Variants in ZCCHC7 observed in about 807,000 individuals in gnomAD.
The protein encoded by ZCCHC7 is zinc finger CCHC domain-containing protein 7.
Under a neutral mutation model 52.0 loss-of-function variants are expected in ZCCHC7, and 35 were observed. The ratio of observed to expected loss-of-function variants is 0.67; its 90% confidence interval spans 0.51 to 0.89. The LOEUF is 0.89. Among genes scored for constraint, ZCCHC7 ranks in the 40% least tolerant of loss-of-function variants. The pLI, the probability that ZCCHC7 is intolerant of heterozygous loss-of-function variation, is 0.00. For missense variants in ZCCHC7, 574 were observed against 649.1 expected (o/e 0.88, Z 1.26); for synonymous variants, 217 against 221.5 (o/e 0.98, Z 0.18).
chr9:37,125,750 A>G (rs558694018), intron 1 of ZCCHC7, among the ~76,000 whole-genome samples: 1 of 152,354 alleles, frequency 6.6e-6, no homozygotes, highest in African/African-American at 2.4e-5. Context: ...TTTCGTTTAC[A>G]ATATACCTGT....
chr9:37,185,210 G>A (rs768995018), intron 2 of ZCCHC7, among the ~76,000 whole-genome samples: 5 of 152,066 alleles, frequency 3.3e-5, no homozygotes, highest in African/African-American at 4.8e-5. Flanking sequence ...TTTAAAGTCC[G>A]CAAAAGATCT....
intron 2 of ZCCHC7, among the ~76,000 whole-genome samples, chr9:37,218,077 G>C (rs909563450): frequency 3.9e-5 from 6 of 152,074 alleles, no homozygotes; most frequent in African/African-American, 1.4e-4. Context: ...AAATCGTATG[G>C]AAAAGAGACA....
At chr9:37,149,442 CT>C (rs556130456) in intron 2 of ZCCHC7, among the ~76,000 whole-genome samples, 84 of 152,130 alleles carry the variant, frequency 5.5e-4, no homozygotes, top group African/African-American at 1.7e-3. Flanking sequence ...AAATACCCCC[CT>C]GTCCCCAACA....
At chr9:37,206,197 A>T (rs765473376) in intron 2 of ZCCHC7, among the ~76,000 whole-genome samples, 1 of 152,146 alleles carries the variant, frequency 6.6e-6, no homozygotes, top group Non-Finnish European at 1.5e-5. Context: ...CCATCCCCAC[A>T]CAAGAGAATA....
intron 5 of ZCCHC7, among the ~76,000 whole-genome samples, chr9:37,324,991 T>TAAAAA (rs1830183449): frequency 6.6e-6 from 1 of 152,228 alleles, no homozygotes; most frequent in Non-Finnish European, 1.5e-5. Flanking sequence ...ACAGATGCAC[T>TAAAAA]AAGCCGTTGT....
At chr9:37,337,887 C>G (rs1048681894) in intron 6 of ZCCHC7, among the ~76,000 whole-genome samples, 4 of 152,110 alleles carry the variant, frequency 2.6e-5, no homozygotes, top group African/African-American at 9.7e-5. Flanking sequence ...CCTTTGCTAA[C>G]TTACTTTAAA....
At chr9:37,158,757 T>C (rs1820942146) in intron 2 of ZCCHC7, among the ~76,000 whole-genome samples, 1 of 152,240 alleles carries the variant, frequency 6.6e-6, no homozygotes, top group East Asian at 1.9e-4. Flanking sequence ...AGAAGAATTA[T>C]TTTGTACACT....
At chr9:37,277,245 A>G (rs1160075636) in intron 2 of ZCCHC7, among the ~76,000 whole-genome samples, 1 of 152,242 alleles carries the variant, frequency 6.6e-6, no homozygotes, top group Non-Finnish European at 1.5e-5. Context: ...ATTTTCCCAC[A>G]GGTAATTCTA....
intron 2 of ZCCHC7, among the ~76,000 whole-genome samples, chr9:37,273,433 G>A (rs975265840): frequency 6.6e-5 from 10 of 152,214 alleles, no homozygotes; most frequent in Middle Eastern, 3.2e-3. Flanking sequence ...AACCTGGGAG[G>A]TGGAGCTTGC....
chr9:37,213,258 AT>A (rs1223370219), intron 2 of ZCCHC7, among the ~76,000 whole-genome samples: 1 of 152,162 alleles, frequency 6.6e-6, no homozygotes, highest in Non-Finnish European at 1.5e-5. Flanking sequence ...AGATAATGTA[AT>A]TACTGCTCAA....
At chr9:37,210,125 G>A (rs1470874793) in intron 2 of ZCCHC7, among the ~76,000 whole-genome samples, 1 of 151,902 alleles carries the variant, frequency 6.6e-6, no homozygotes, top group Non-Finnish European at 1.5e-5. Flanking sequence ...CAGCTTGATT[G>A]TCTTCCCTCT....
In ZCCHC7 at chr9:37,354,291, A is replaced by AT. The variant is rs1821563472; in HGVS notation, c.1084-415dup. Reference sequence around the variant, plus strand: ...CAAAGGGCTTAGAACTTATACCCACATTTTGGGGATAGGAAGAAGAGATGG... The same window carrying AT: ...CAAAGGGCTTAGAACTTATACCCACATTTTTGGGGATAGGAAGAAGAGATGG... On this transcript the variant is annotated intron_variant, in intron 7 of 8. Coordinates refer to ENST00000336755, the MANE Select transcript of ZCCHC7 (RefSeq NM_032226.3). This position sits in a 1 kb window ranked among gnomAD's most constrained non-coding sequence, Gnocchi z 4.0. Among the ~76,000 whole-genome samples, 1 of 152,150 alleles carries AT rather than the reference A, an allele frequency of 6.6e-6. No individual in the cohort carries two copies. Among genetic ancestry groups the AT allele is most frequent in the African/African-American group, 2.4e-5 (1 of 41,420 alleles).
At chr9:37,346,159 C>G (rs1434113649) in intron 6 of ZCCHC7, among the ~76,000 whole-genome samples, 1 of 152,058 alleles carries the variant, frequency 6.6e-6, no homozygotes, top group African/African-American at 2.4e-5. Context: ...TGCACCACCA[C>G]GCCTAGCTAA....
chr9:37,267,726 C>T (rs1233061593), intron 2 of ZCCHC7, among the ~76,000 whole-genome samples: 7 of 151,836 alleles, frequency 4.6e-5, no homozygotes, highest in Admixed American at 1.3e-4. Flanking sequence ...CCTGCCACCA[C>T]GCCTGGCTAA....
At chr9:37,215,118 T>C (rs1244760013) in intron 2 of ZCCHC7, among the ~76,000 whole-genome samples, 1 of 152,154 alleles carries the variant, frequency 6.6e-6, no homozygotes, top group Non-Finnish European at 1.5e-5. Flanking sequence ...ATTAAAACTT[T>C]AAATACCACT....
intron 2 of ZCCHC7, among the ~76,000 whole-genome samples, chr9:37,259,303 T>C (rs1826749904): frequency 6.6e-6 from 1 of 152,222 alleles, no homozygotes; most frequent in East Asian, 1.9e-4. Flanking sequence ...GTGGGTATCA[T>C]GCTTTTATAA....
chr9:37,242,355 A>G (rs1471905382), intron 2 of ZCCHC7, among the ~76,000 whole-genome samples: 1 of 151,764 alleles, frequency 6.6e-6, no homozygotes, highest in Non-Finnish European at 1.5e-5. Context: ...TGTGATGTTT[A>G]GCTTTGACTA....
At chr9:37,296,881 T>TTGTGTATGTGTGTGTGTGTG (rs1396008500) in intron 2 of ZCCHC7, among the ~76,000 whole-genome samples, 3 of 124,136 alleles carry the variant, frequency 2.4e-5, no homozygotes, top group Admixed American at 8.5e-5. Flanking sequence ...CCTGGCTAGT[T>TTGTGTATGTGTGTGTGTGTG]TGTGTGTGTG....
At chr9:37,264,420 G>A (rs1466018742) in intron 2 of ZCCHC7, among the ~76,000 whole-genome samples, 1 of 151,928 alleles carries the variant, frequency 6.6e-6, no homozygotes, top group Non-Finnish European at 1.5e-5. Flanking sequence ...TTACATTAAT[G>A]TATCAAACCT....
Sources: gnomAD v4.1 joint callset for allele counts (sites outside exome capture counted in the v4.1 genomes callset) on GRCh38, gnomAD v4.1.1 for gene constraint, Gnocchi (gnomAD v3.1) non-coding constraint, MANE v1.5 for transcripts, NCBI Gene and HGNC (gene_info 2026-07-23, HGNC 2026-07-21) for gene names.